The following TENM3 variants were observed in gnomAD, a reference collection of about 807,000 sequenced individuals.
TENM3 encodes teneurin-3.
Under a neutral mutation model 255.1 loss-of-function variants are expected in TENM3, and 63 were observed. The observed-to-expected ratio is 0.25, with a 90% confidence interval of 0.20 to 0.30. The LOEUF is 0.30. Ranked by LOEUF, TENM3 falls within the 10% of genes least tolerant of loss-of-function variation. TENM3 has a pLI of 1.00. For missense variants in TENM3, 2,929 were observed against 3,461.1 expected (o/e 0.85, Z 3.86); for synonymous variants, 1,306 against 1,322.3 (o/e 0.99, Z 0.27).
the TENM3 span, among the ~76,000 whole-genome samples, chr4:181,601,212 C>G: frequency 1.3e-5 from 2 of 152,174 alleles, no homozygotes; most frequent in African/African-American, 4.8e-5. Context: ...GTTCTGAAGG[C>G]CAGCTGTCTG....
At chr4:182,712,109 A>G (rs367817150) in intron 12 of TENM3, among the ~76,000 whole-genome samples, 1 of 152,174 alleles carries the variant, frequency 6.6e-6, no homozygotes, top group South Asian at 2.1e-4. Flanking sequence ...TGGTATCACA[A>G]TTTGTGTTTT....
chr4:182,484,299 A>C (rs975390653), intron 3 of TENM3, among the ~76,000 whole-genome samples: 1 of 152,204 alleles, frequency 6.6e-6, no homozygotes, highest in African/African-American at 2.4e-5. Context: ...GCAGCTAGTC[A>C]GTTGTGGAGC....
intron 3 of TENM3, among the ~76,000 whole-genome samples, chr4:182,529,476 CT>C (rs1739557469): frequency 6.6e-6 from 1 of 152,104 alleles, no homozygotes; most frequent in East Asian, 1.9e-4. Flanking sequence ...CCCCCACTAA[CT>C]TTTAGTGTTT....
chr4:182,521,733 C>T (rs1738595043), intron 3 of TENM3, among the ~76,000 whole-genome samples: 1 of 152,076 alleles, frequency 6.6e-6, no homozygotes, highest in Admixed American at 6.5e-5. Flanking sequence ...AATGTTGCTG[C>T]CTCAGTAGGA....
the TENM3 span, among the ~76,000 whole-genome samples, chr4:182,136,981 C>CG: frequency 5.3e-5 from 8 of 152,202 alleles, no homozygotes; most frequent in African/African-American, 1.9e-4. Flanking sequence ...AGCATCCCCC[C>CG]CCACCCAATA....
At chr4:182,193,728 C>T (rs1753674891) in intron 1 of TENM3, among the ~76,000 whole-genome samples, 1 of 152,070 alleles carries the variant, frequency 6.6e-6, no homozygotes, top group African/African-American at 2.4e-5. Context: ...TTTTGTGTGA[C>T]CCTGTGTTAC....
chr4:181,944,895 G>A, the TENM3 span, among the ~76,000 whole-genome samples: 1 of 152,046 alleles, frequency 6.6e-6, no homozygotes, highest in South Asian at 2.1e-4. Context: ...TGAAACAGAA[G>A]CCTAATTGCA....
the TENM3 span, among the ~76,000 whole-genome samples, chr4:181,699,142 A>G: frequency 1.3e-5 from 2 of 152,168 alleles, no homozygotes; most frequent in Admixed American, 1.3e-4. Flanking sequence ...ATAAGAAAAT[A>G]CTACAAGGCC....
chr4:181,811,551 G>C, the TENM3 span, among the ~76,000 whole-genome samples: 8 of 152,186 alleles, frequency 5.3e-5, no homozygotes, highest in Non-Finnish European at 8.8e-5. Flanking sequence ...CCTGAGACTG[G>C]GTAATTTATG....
intron 6 of TENM3, among the ~76,000 whole-genome samples, chr4:182,662,518 A>G (rs1444529404): frequency 6.6e-6 from 1 of 152,122 alleles, no homozygotes; most frequent in Non-Finnish European, 1.5e-5. Context: ...TTTTTCCTCC[A>G]GTTTTCCTCC....
At chr4:182,717,766 T>A (rs181481236) in intron 13 of TENM3, among the ~76,000 whole-genome samples, 209 of 152,344 alleles carry the variant, frequency 1.4e-3, no homozygotes, top group African/African-American at 4.6e-3. Flanking sequence ...TCACCAGTAC[T>A]TCACATGGCT....
chr4:182,257,539 G>A (rs77442561), intron 1 of TENM3, among the ~76,000 whole-genome samples: 2 of 152,214 alleles, frequency 1.3e-5, no homozygotes, highest in Non-Finnish European at 2.9e-5. Context: ...GGTGACAGAA[G>A]TGTGAGCATC....
the TENM3 span, among the ~76,000 whole-genome samples, chr4:182,062,564 G>A: frequency 2.8e-3 from 427 of 152,284 alleles, 3 homozygotes; most frequent in Admixed American, 5.0e-3. Context: ...ATATGACAAG[G>A]CAGTATGAAA....
chr4:182,680,302 G>A lies in TENM3; in HGVS notation c.1592G>A (p.Gly531Glu), dbSNP rs1756047993. ...CATGGAAATGGAGAATGCGTTTCTG[G>A]AACTTGCCATTGTTTTCCAGGATTT... ...NCHGNGECVS[G>E]TCHCFPGFLG... The change falls in exon 9 of 28, where the codon GGA becomes GAA. Residue 531 changes from glycine to glutamate, a missense_variant. Transcript: ENST00000511685. 1 of 1,613,784 alleles carries A rather than the reference G, an allele frequency of 6.2e-7. No homozygotes were observed. The highest frequency in any genetic ancestry group is 8.5e-7 in the Non-Finnish European group (1 of 1,179,882).
chr4:182,137,335 C>A, the TENM3 span, among the ~76,000 whole-genome samples: 4 of 76,362 alleles, frequency 5.2e-5, no homozygotes, highest in South Asian at 6.9e-4. Context: ...CTGCCACCTC[C>A]CCCCCCCCAA....
chr4:181,624,082 T>A, the TENM3 span, among the ~76,000 whole-genome samples: 1 of 152,182 alleles, frequency 6.6e-6, no homozygotes, highest in African/African-American at 2.4e-5. Context: ...ACAAAGTAAG[T>A]ATCTGTCACA....
intron 2 of TENM3, 108 bp from the exon 3 acceptor site, chr4:182,346,543 A>G: frequency 9.6e-7 from 1 of 1,043,840 alleles, no homozygotes; most frequent in Non-Finnish European, 1.4e-6. Context: ...AAAAGCCTAA[A>G]TGTTTGAGTG....
intron 1 of TENM3, among the ~76,000 whole-genome samples, chr4:182,276,980 G>A (rs1760045279): frequency 6.6e-6 from 1 of 152,182 alleles, no homozygotes; most frequent in Admixed American, 6.5e-5. Context: ...TTAATATGAA[G>A]GATAGTATGG....
At position 182,743,214 on chromosome 4, in the gene TENM3, C is replaced by G; in HGVS notation, c.3424C>G (p.Gln1142Glu). ...CGGGGAAAACCAGTTCATCTCCCAG[C>G]AGCCTCCAGTCGTGAGTAGCATCAT... ...GNGENQFISQ[Q>E]PPVVSSIMGN... Residue 1142 changes from glutamine (Q) to glutamate (E), a missense_variant, in exon 19 of 28, where the codon CAG (glutamine) becomes GAG (glutamate). Transcript: ENST00000511685. 1 of 1,613,866 alleles carries G rather than the reference C, an allele frequency of 6.2e-7. No homozygotes were observed. Among genetic ancestry groups the G allele is most frequent in the Non-Finnish European group, 8.5e-7 (1 of 1,179,718 alleles).
Sources: allele counts gnomAD v4.1 joint callset (sites outside exome capture counted in the v4.1 genomes callset), GRCh38; gene constraint gnomAD v4.1.1; transcripts MANE v1.5; gene names NCBI Gene and HGNC (gene_info 2026-07-23, HGNC 2026-07-21).